Variants in C7 observed in about 807,000 individuals in gnomAD.
The protein encoded by C7 is complement C7.
A neutral mutation model predicts 104.8 loss-of-function variants in C7; 83 were observed. The ratio of observed to expected loss-of-function variants is 0.79; its 90% confidence interval spans 0.66 to 0.95. The LOEUF (loss-of-function observed/expected upper bound fraction) is 0.95. Among genes scored for constraint, C7 ranks in the 40% least tolerant of loss-of-function variants. The probability of loss-of-function intolerance (pLI) is 0.00; values close to 1 mark genes in which losing one functional copy is unlikely to be tolerated. For missense variants in C7, 1,070 were observed against 1,011.2 expected (o/e 1.06, Z -0.79); for synonymous variants, 415 against 360.6 (o/e 1.15, Z -1.71).
intron 12 of C7, 107 bp downstream of exon 12, chr5:40,959,727 A>AT: frequency 2.3e-6 from 2 of 877,676 alleles, no homozygotes; most frequent in South Asian, 5.1e-5. Flanking sequence ...TTAAATGGCT[A>AT]TTTTTACCAG....
rs2111709825 is a variant in C7, at chr5:40,972,465, T to C, written c.1945T>C (p.Tyr649His). Reference sequence around the variant, plus strand: ...ACAGAGTCACCCCCAAAAACCTTTCTACACAGTTGGTGAGAAGGTGACTGT... The same window carrying C: ...ACAGAGTCACCCCCAAAAACCTTTCCACACAGTTGGTGAGAAGGTGACTGT... ...GIQSHPQKPF[Y>H]TVGEKVTVSC... The change falls in exon 15 of 18, where the codon TAC becomes CAC. Residue 649 changes from tyrosine to histidine, a missense_variant. Coordinates refer to ENST00000313164, the MANE Select transcript of C7 (RefSeq NM_000587.4). 1.2e-6 allele frequency: 2 copies of C among 1,613,926 alleles called. No homozygotes were observed. The highest frequency in any genetic ancestry group is 1.7e-6 in the Non-Finnish European group (2 of 1,179,788).
At chr5:40,911,233 T>C (rs1739201573) in intron 1 of C7, 1 of 152,228 alleles carries the variant, frequency 6.6e-6, no homozygotes, top group Non-Finnish European at 1.5e-5. Flanking sequence ...TGGTGATATG[T>C]GACAAAGAAG....
chr5:40,917,134 C>CAAAA (rs138855377), intron 1 of C7, among the ~76,000 whole-genome samples: 115 of 113,632 alleles, frequency 1.0e-3, no homozygotes, highest in African/African-American at 2.5e-3. Flanking sequence ...GACTCCATCT[C>CAAAA]AAAAAAAAAA....
chr5:40,939,985 T>A (rs1353612032), intron 6 of C7, among the ~76,000 whole-genome samples: 2 of 152,186 alleles, frequency 1.3e-5, no homozygotes, highest in Admixed American at 1.3e-4. Flanking sequence ...AGAGATGTTT[T>A]GAGGAGCAGT....
chr5:40,929,223 T>C (rs927662271), intron 2 of C7, among the ~76,000 whole-genome samples: 4 of 152,120 alleles, frequency 2.6e-5, no homozygotes, highest in African/African-American at 9.7e-5. Context: ...GGGTGATTCG[T>C]ATCTTGAGCC....
chr5:40,969,415 G>T (rs201400381), intron 14 of C7, among the ~76,000 whole-genome samples: 18 of 126,500 alleles, frequency 1.4e-4, no homozygotes, highest in Non-Finnish European at 2.9e-4. Context: ...TGTTTTTTTT[G>T]GTTGGAATTT....
intron 4 of C7, among the ~76,000 whole-genome samples, chr5:40,935,893 A>G (rs1221076338): frequency 1.3e-5 from 2 of 152,226 alleles, no homozygotes; most frequent in African/African-American, 4.8e-5. Context: ...TGTGCTACGG[A>G]AATGTTGAAT....
intron 15 of C7, among the ~76,000 whole-genome samples, chr5:40,975,366 CTTT>C (rs1162765793): frequency 7.0e-6 from 1 of 142,002 alleles, no homozygotes; most frequent in Non-Finnish European, 1.5e-5. Flanking sequence ...GAGAAGTGTG[CTTT>C]TTTTTTTTTT....
intron 1 of C7, among the ~76,000 whole-genome samples, chr5:40,921,052 A>C (rs1309369931): frequency 2.2e-5 from 2 of 91,350 alleles, no homozygotes; most frequent in East Asian, 8.3e-4. Flanking sequence ...CTGTCTCCAA[A>C]AAAAAAAAAA....
chr5:40,980,773 G>T (rs1182645932), intron 17 of C7, among the ~76,000 whole-genome samples: 4 of 152,196 alleles, frequency 2.6e-5, no homozygotes, highest in Admixed American at 2.0e-4. Context: ...CTCAAGGTTT[G>T]CAGCACAGAC....
chr5:40,947,541 T>C, intron 7 of C7, 61 bp from the exon 8 acceptor site: 1 of 1,576,394 alleles, frequency 6.3e-7, no homozygotes, highest in Non-Finnish European at 8.7e-7. Flanking sequence ...AACAGAGAAC[T>C]ATTTCCATTG....
At chr5:40,969,698 C>A (rs535257496) in intron 14 of C7, among the ~76,000 whole-genome samples, 1 of 152,166 alleles carries the variant, frequency 6.6e-6, no homozygotes, top group African/African-American at 2.4e-5. Flanking sequence ...TGTGAGACTG[C>A]TAAAAGCTGT....
intron 6 of C7, among the ~76,000 whole-genome samples, chr5:40,942,825 C>T (rs957691879): frequency 4.0e-5 from 6 of 149,942 alleles, no homozygotes; most frequent in African/African-American, 1.2e-4. Context: ...AGTGCAGTGG[C>T]GTGATCTCGG....
At chr5:40,938,632 G>A (rs1158698303) in intron 6 of C7, among the ~76,000 whole-genome samples, 2 of 152,126 alleles carry the variant, frequency 1.3e-5, no homozygotes, top group African/African-American at 2.4e-5. Flanking sequence ...CCAGCAGTGG[G>A]GATGAGTGGC....
chr5:40,968,072 T>TC (rs1379146271), intron 14 of C7, among the ~76,000 whole-genome samples: 3 of 152,272 alleles, frequency 2.0e-5, no homozygotes, highest in Non-Finnish European at 4.4e-5. Flanking sequence ...TTTTTTAACA[T>TC]CATTTTTTTG....
rs7724937 is a variant in C7 at position 40,927,661 on chromosome 5, T to C, written c.7-919T>C. Among the ~76,000 whole-genome samples, 366 of 152,144 alleles carry C rather than the reference T, an allele frequency of 2.4e-3. 2 individuals are homozygous for C. The highest frequency in any genetic ancestry group is 8.4e-3 in the African/African-American group (350 of 41,520). On this transcript the variant is annotated intron_variant, in intron 1 of 17. Transcript: ENST00000313164. The stretch of plus-strand genomic sequence containing the variant: ...AGTAAACATTTCTGAAGAGAAGACA[T>C]GCAAATGGCCAATAGATACGTAAAA...
chr5:40,962,969 A>T (rs1050810702), intron 13 of C7, among the ~76,000 whole-genome samples: 3 of 151,950 alleles, frequency 2.0e-5, no homozygotes, highest in African/African-American at 7.2e-5. Context: ...TGTTCACGCA[A>T]GTGTGTGTGT....
chr5:40,957,317 G>A (rs1201020406), intron 10 of C7, among the ~76,000 whole-genome samples: 1 of 152,140 alleles, frequency 6.6e-6, no homozygotes, highest in African/African-American at 2.4e-5. Flanking sequence ...ATGTTTACCT[G>A]TTTTAAATTT....
At chr5:40,961,991 T>G in intron 12 of C7, 94 bp from the exon 13 acceptor site, 1 of 532,148 alleles carries the variant, frequency 1.9e-6, no homozygotes, top group Non-Finnish European at 3.1e-6. Context: ...ATGAATGGAG[T>G]TCCTTCAGAT....
Sources: allele counts gnomAD v4.1 joint callset (sites outside exome capture counted in the v4.1 genomes callset), GRCh38; gene constraint gnomAD v4.1.1; transcripts MANE v1.5; gene names NCBI Gene and HGNC (gene_info 2026-07-23, HGNC 2026-07-21).